Variants in FUT8 observed in about 807,000 individuals in gnomAD.
The protein encoded by FUT8 is alpha-(1,6)-fucosyltransferase.
In FUT8, 29 loss-of-function variants were observed where a neutral mutation model predicts 71.3. That is an observed-to-expected ratio of 0.41 (90% confidence interval 0.30 to 0.55). The LOEUF (loss-of-function observed/expected upper bound fraction) is 0.55, where lower values mean the gene tolerates loss of function less well. Among genes scored for constraint, FUT8 ranks in the 20% least tolerant of loss-of-function variants. The pLI is 0.34. For synonymous variants in FUT8, 254 were observed against 239.3 expected, an observed-to-expected ratio of 1.06 and a Z score of -0.57; for missense variants, 544 against 702.1, an observed-to-expected ratio of 0.77 and a Z score of 2.55.
At chr14:65,500,381 C>T (rs1312357487) in intron 2 of FUT8, among the ~76,000 whole-genome samples, 1 of 151,996 alleles carries the variant, frequency 6.6e-6, no homozygotes, top group Non-Finnish European at 1.5e-5. Context: ...TTTTTTCTTT[C>T]GGTAAAAATA....
chr14:65,609,077 C>T (rs889771660), intron 3 of FUT8, among the ~76,000 whole-genome samples: 12 of 151,764 alleles, frequency 7.9e-5, no homozygotes, highest in African/African-American at 2.9e-4. Context: ...GGTGGATCAC[C>T]TGAGGTCAGG....
Position 65,733,366 on chromosome 14 carries a change from T to C in FUT8, c.1395T>C (p.Cys465=). ...TCTCTCAGGCAGACTTCCTAGTGTG[T>C]ACTTTTTCATCCCAGGTAAGTGTCA... The part of the protein sequence containing the change: ...HFLSQADFLV[C]TFSSQVCRVA... Residue 465 remains cysteine, a synonymous_variant, in exon 10 of 11, where the codon TGT becomes TGC. Transcript: ENST00000673929. 6.3e-7 allele frequency: 1 copy of C among 1,590,234 alleles called. No individual in the cohort carries two copies. Among genetic ancestry groups the C allele is most frequent in the Non-Finnish European group, 8.5e-7 (1 of 1,169,676 alleles).
chr14:65,501,311 A>G (rs542478817), intron 2 of FUT8, among the ~76,000 whole-genome samples: 2 of 152,338 alleles, frequency 1.3e-5, no homozygotes, highest in African/African-American at 4.8e-5. Flanking sequence ...AACAGGGAAC[A>G]CTGGGGTAAC....
At chr14:65,365,834 A>T in the FUT8 span, among the ~76,000 whole-genome samples, 2 of 150,660 alleles carry the variant, frequency 1.3e-5, no homozygotes, top group Non-Finnish European at 3.0e-5. Context: ...ATATTCCTTT[A>T]CTTTCTTTTC....
At chr14:65,548,604 C>T (rs931985123) in intron 2 of FUT8, among the ~76,000 whole-genome samples, 1 of 151,796 alleles carries the variant, frequency 6.6e-6, no homozygotes, top group Admixed American at 6.6e-5. Flanking sequence ...AACTTTGAAA[C>T]CTCAAACTAA....
At chr14:65,367,105 G>A in the FUT8 span, among the ~76,000 whole-genome samples, 1 of 152,178 alleles carries the variant, frequency 6.6e-6, no homozygotes, top group Non-Finnish European at 1.5e-5. Flanking sequence ...AGGGGTTGGT[G>A]GTGGGCTCTC....
chr14:65,464,531 C>G (rs975561288), intron 2 of FUT8, among the ~76,000 whole-genome samples: 1 of 151,948 alleles, frequency 6.6e-6, no homozygotes, highest in Non-Finnish European at 1.5e-5. Flanking sequence ...AGGAAATCCT[C>G]CTCTATTTCT....
chr14:65,433,029 TA>T (rs2065500413), intron 1 of FUT8, among the ~76,000 whole-genome samples: 1 of 152,170 alleles, frequency 6.6e-6, no homozygotes. Context: ...GGATCTGGAT[TA>T]GGACCCCTTT....
In FUT8 at chr14:65,606,112, G is replaced by A. The variant is rs189263581; in HGVS notation, c.204-9866G>A. 3.0e-3 allele frequency among the ~76,000 whole-genome samples: 412 copies of A among 138,510 alleles called. 7 individuals carry two copies. The highest frequency in any genetic ancestry group is 0.01 in the African/African-American group (374 of 37,116). 90.9% of individuals were successfully genotyped at this position (138,510 alleles called of 152,430 possible). A position where few individuals can be genotyped will look rare whatever the true frequency, so the allele number is the denominator to read the frequency against. The stretch of plus-strand genomic sequence containing the variant: ...TTTTGAGATGGAGTCTCGCTCTGTC[G>A]CCCAGGCTGGAGTGCAGTGGTGCGA... On this transcript the variant is annotated intron_variant, in intron 3 of 10. Coordinates refer to ENST00000673929, the MANE Select transcript of FUT8 (RefSeq NM_001371533.1).
intron 7 of FUT8, among the ~76,000 whole-genome samples, chr14:65,697,583 C>T (rs1011401561): frequency 6.6e-6 from 1 of 152,162 alleles, no homozygotes; most frequent in Non-Finnish European, 1.5e-5. Context: ...TTCTCTGGAA[C>T]TGAAGAAAAG....
chr14:65,370,230 C>T, the FUT8 span, among the ~76,000 whole-genome samples: 3 of 96,212 alleles, frequency 3.1e-5, no homozygotes, highest in African/African-American at 8.0e-5. Context: ...TTTTTTGAGA[C>T]GGAGTCTTGC....
intron 2 of FUT8, among the ~76,000 whole-genome samples, chr14:65,459,996 C>T (rs889206361): frequency 6.6e-6 from 1 of 152,084 alleles, no homozygotes; most frequent in African/African-American, 2.4e-5. Flanking sequence ...GATAGATAGG[C>T]TTGTTATAAG....
Position 65,645,933 on chromosome 14 carries a change from G to T in FUT8, c.597+16327G>T, listed in dbSNP as rs981578367. Reference sequence around the variant, plus strand: ...TATATCTCTAAATCCAAACTAAATAGTTCTCAGCTTAATTTCTCCATCACA... The same window carrying T: ...TATATCTCTAAATCCAAACTAAATATTTCTCAGCTTAATTTCTCCATCACA... On this transcript the variant is annotated intron_variant, in intron 6 of 10. Coordinates refer to ENST00000673929, the MANE Select transcript of FUT8 (RefSeq NM_001371533.1). 4.6e-5 allele frequency: 7 copies of T among 152,278 alleles called. No individual in the cohort carries two copies. In the South Asian group the frequency reaches 1.0e-3, roughly 23 times the overall value. 9.4% of individuals were successfully genotyped at this position (152,278 alleles called of 1,614,324 possible). A position where few individuals can be genotyped will look rare whatever the true frequency, so the allele number is the denominator to read the frequency against.
chr14:65,623,361 A>C (rs989369676), intron 5 of FUT8, among the ~76,000 whole-genome samples: 1 of 152,128 alleles, frequency 6.6e-6, no homozygotes, highest in Non-Finnish European at 1.5e-5. Context: ...ATAAAACATA[A>C]CCAATTTTTG....
the FUT8 span, among the ~76,000 whole-genome samples, chr14:65,370,977 G>A: frequency 6.6e-6 from 1 of 152,170 alleles, no homozygotes; most frequent in African/African-American, 2.4e-5. Flanking sequence ...ATATATGGGC[G>A]AAATTCCTGG....
At chr14:65,400,134 T>C in the FUT8 span, among the ~76,000 whole-genome samples, 2 of 152,190 alleles carry the variant, frequency 1.3e-5, no homozygotes, top group Non-Finnish European at 2.9e-5. Flanking sequence ...CTAAATGCAG[T>C]TATCACAAGC....
intron 2 of FUT8, among the ~76,000 whole-genome samples, chr14:65,547,334 A>G (rs910119237): frequency 2.0e-5 from 3 of 151,724 alleles, no homozygotes; most frequent in Non-Finnish European, 4.4e-5. Context: ...TAGGGACTTT[A>G]AAACAGTGTC....
intron 2 of FUT8, among the ~76,000 whole-genome samples, chr14:65,465,050 G>A (rs1713477097): frequency 1.3e-5 from 2 of 152,112 alleles, no homozygotes; most frequent in Non-Finnish European, 2.9e-5. Context: ...GTGAATTTTG[G>A]TAGATTGTGT....
At chr14:65,549,535 T>C (rs2139997829) in intron 2 of FUT8, among the ~76,000 whole-genome samples, 1 of 152,282 alleles carries the variant, frequency 6.6e-6, no homozygotes, top group South Asian at 2.1e-4. Context: ...GTACATTACT[T>C]CAAATTTGAT....
Sources: allele counts gnomAD v4.1 joint callset (sites outside exome capture counted in the v4.1 genomes callset), GRCh38; gene constraint gnomAD v4.1.1; transcripts MANE v1.5; gene names NCBI Gene and HGNC (gene_info 2026-07-23, HGNC 2026-07-21).